The following CORO7 variants were observed in gnomAD, a reference collection of about 807,000 sequenced individuals.
CORO7 encodes the protein coronin-7.
A neutral mutation model predicts 126.6 loss-of-function variants in CORO7; 107 were observed. The observed-to-expected ratio is 0.85, with a 90% CI of 0.72 to 0.99. The LOEUF (loss-of-function observed/expected upper bound fraction) is 0.99. CORO7 is among the 50% of genes least tolerant of loss of function. The pLI, the probability that CORO7 is intolerant of heterozygous loss-of-function variation, is 0.00. For missense variants in CORO7, 1,314 were observed against 1,255.8 expected, an observed-to-expected ratio of 1.05 and a Z score of -0.70; for synonymous variants, 603 against 536.8, an observed-to-expected ratio of 1.12 and a Z score of -1.70.
At chr16:4,408,152 G>A in intron 4 of CORO7, 29 bp downstream of exon 4, 1 of 1,614,016 alleles carries the variant, frequency 6.2e-7, no homozygotes. Context: ...CTGGGACATA[G>A]AGCAGCTCTT....
intron 9 of CORO7, among the ~76,000 whole-genome samples, chr16:4,370,816 G>GC (rs35193388): frequency 0.56 from 85,452 of 152,124 alleles, 29,120 homozygotes; most frequent in East Asian, 0.81. Context: ...AAGCCTTCAG[G>GC]CCCCCCAAAG....
At chr16:4,382,906 G>C in intron 9 of CORO7, 2 of 1,498,002 alleles carry the variant, frequency 1.3e-6, no homozygotes, top group Non-Finnish European at 1.8e-6. Flanking sequence ...CTAAGCCAGA[G>C]AGAGACAGGG....
At chr16:4,415,815 C>T in intron 1 of CORO7, 4 of 985,628 alleles carry the variant, frequency 4.1e-6, no homozygotes, top group Non-Finnish European at 4.8e-6. Context: ...TCTCCCGGCA[C>T]CTGGCTCAGC....
chr16:4,367,691 C>T (rs544309746), intron 9 of CORO7, among the ~76,000 whole-genome samples: 8 of 152,306 alleles, frequency 5.3e-5, no homozygotes, highest in African/African-American at 1.9e-4. Flanking sequence ...AGAGAGAACA[C>T]AACCTGTGCA....
At chr16:4,359,199 C>CCTGGGTCCCCAG in intron 23 of CORO7, 97 bp downstream of exon 23, 1 of 1,355,204 alleles carries the variant, frequency 7.4e-7, no homozygotes, top group Non-Finnish European at 9.9e-7. Flanking sequence ...AGGACTCTGA[C>CCTGGGTCCCCAG]CCCCGACCCA....
chr16:4,363,412 A>G (rs2141192573), intron 14 of CORO7, among the ~76,000 whole-genome samples: 1 of 151,066 alleles, frequency 6.6e-6, no homozygotes, highest in African/African-American at 2.4e-5. Flanking sequence ...TAAAGATACT[A>G]AAGATACCAA....
chr16:4,359,531 G>T lies in CORO7; in HGVS notation c.2199C>A (p.Thr733=). ...AVLGLDVAPS[T]LLPSYDPDTG... ...TGTCTGGGTCGTAGCTGGGCAGCAG[G>T]GTTGAGGGAGCCACGTCCAGGCCCA... The change falls in exon 22 of 28, where the codon ACC becomes ACA. Residue 733 remains threonine, a synonymous_variant. Transcript: ENST00000251166. The T allele has an allele frequency of 1.2e-6, 2 of 1,613,346 alleles. No homozygotes were observed. Among genetic ancestry groups the T allele is most frequent in the Non-Finnish European group, 1.7e-6 (2 of 1,179,912 alleles).
intron 9 of CORO7, among the ~76,000 whole-genome samples, chr16:4,374,631 C>T (rs1190220893): frequency 1.3e-5 from 2 of 152,164 alleles, no homozygotes; most frequent in Non-Finnish European, 2.9e-5. Context: ...AGTGCGGGGG[C>T]AGGGTTGTGG....
rs2056248641 is a variant in CORO7 at position 4,412,494 on chromosome 16, G to A, written c.158-64C>T. On this transcript the variant is annotated intron_variant, in intron 2 of 27. Coordinates refer to ENST00000251166, the MANE Select transcript of CORO7 (RefSeq NM_024535.5). ...CAGGGCCACCCACCTCCTTGCCCAG[G>A]GATCCCAGAGATGAAATCCAGCAGC... 14 of 1,567,972 alleles carry A rather than the reference G, an allele frequency of 8.9e-6. No homozygotes were observed. The South Asian group carries it at 1.3e-4, about 15-fold the overall frequency.
Position 4,407,446 on chromosome 16 carries a change from G to A in CORO7, c.487+55C>T, listed in dbSNP as rs951377113. 151 of 1,527,758 alleles carry A rather than the reference G, an allele frequency of 9.9e-5. No individual in the cohort carries two copies. The African/African-American group carries it at 1.7e-3, about 17-fold the overall frequency. The allele number at this position is 1,527,758 out of a possible 1,614,324, so 94.6% of individuals were successfully genotyped here. ...GACTAAACATGCCAACAAAGAAACG[G>A]AGTGCTGTCCAGAGTGGGGCTGCCC... On this transcript the variant is annotated intron_variant, in intron 5 of 27. Coordinates refer to ENST00000251166, the MANE Select transcript of CORO7 (RefSeq NM_024535.5).
Position 4,355,000 on chromosome 16 carries a change from C to A in CORO7, c.*158G>T, listed in dbSNP as rs1596261343. On this transcript the variant is annotated 3_prime_UTR_variant, in exon 28 of 28. Coordinates refer to ENST00000251166, the MANE Select transcript of CORO7 (RefSeq NM_024535.5). ...AGGTGAAAACAGTCCCTGGGAACTG[C>A]CAGAGGCCCAGAGGATGTGGAAGTG... The A allele has an allele frequency of 2.8e-6, 2 of 726,876 alleles. No homozygotes were observed. Among genetic ancestry groups the A allele is most frequent in the East Asian group, 5.9e-5 (2 of 34,020 alleles). 45.0% of individuals were successfully genotyped at this position (726,876 alleles called of 1,614,324 possible).
chr16:4,375,837 T>G (rs2054704814), intron 9 of CORO7, among the ~76,000 whole-genome samples: 1 of 152,176 alleles, frequency 6.6e-6, no homozygotes, highest in South Asian at 2.1e-4. Context: ...ATGGAGGTTT[T>G]TTTTAGAAAG....
intron 26 of CORO7, among the ~76,000 whole-genome samples, chr16:4,356,168 G>C (rs1343813380): frequency 6.6e-6 from 1 of 151,584 alleles, no homozygotes; most frequent in Non-Finnish European, 1.5e-5. Context: ...GGTCAGGCTG[G>C]TGTCGAACTC....
intron 1 of CORO7, 92 bp from the exon 2 acceptor site, chr16:4,413,496 C>G: frequency 8.4e-7 from 1 of 1,189,974 alleles, no homozygotes; most frequent in Non-Finnish European, 1.2e-6. Context: ...ATCTGGGGAA[C>G]TCTAGCTCAC....
At chr16:4,390,744 C>T (rs917306) in intron 7 of CORO7, among the ~76,000 whole-genome samples, 3 of 152,102 alleles carry the variant, frequency 2.0e-5, no homozygotes, top group East Asian at 1.9e-4. Flanking sequence ...CACAGAGAGA[C>T]GAAGCCATGG....
chr16:4,403,205 A>T (rs566008252), intron 6 of CORO7, among the ~76,000 whole-genome samples: 1 of 152,214 alleles, frequency 6.6e-6, no homozygotes, highest in African/African-American at 2.4e-5. Context: ...ACAGCTCAGG[A>T]CAAGCCCTCG....
intron 9 of CORO7, chr16:4,381,007 A>G: frequency 6.2e-7 from 1 of 1,608,904 alleles, no homozygotes; most frequent in Non-Finnish European, 8.5e-7. Context: ...CCGCCAGGGG[A>G]CCACGGTGCC....
intron 9 of CORO7, among the ~76,000 whole-genome samples, chr16:4,374,763 G>A (rs897983397): frequency 2.0e-5 from 3 of 152,268 alleles, no homozygotes; most frequent in South Asian, 2.1e-4. Flanking sequence ...TGATTGTGGG[G>A]GGTTCGGCAT....
intron 9 of CORO7, among the ~76,000 whole-genome samples, chr16:4,367,887 C>T (rs549591289): frequency 7.9e-5 from 12 of 152,018 alleles, no homozygotes; most frequent in Admixed American, 7.9e-4. Context: ...GAAAAGGTGA[C>T]GGTGCGTTTC....
Sources: allele counts gnomAD v4.1 joint callset (sites outside exome capture counted in the v4.1 genomes callset), GRCh38; gene constraint gnomAD v4.1.1; transcripts MANE v1.5; gene names NCBI Gene and HGNC (gene_info 2026-07-23, HGNC 2026-07-21).